SERPINC1: variants seen among roughly 807,000 people sequenced by gnomAD.
SERPINC1 encodes the protein serpin family C member 1.
In SERPINC1, 12 loss-of-function variants were observed where a neutral mutation model predicts 43.4. The observed-to-expected ratio is 0.28, with a 90% CI of 0.18 to 0.45. The LOEUF is 0.45. SERPINC1 is among the 20% of genes least tolerant of loss of function. The probability of loss-of-function intolerance (pLI) is 1.00; values close to 1 mark genes in which losing one functional copy is unlikely to be tolerated. For synonymous variants in SERPINC1, 210 were observed against 218.9 expected (o/e 0.96, Z 0.36); for missense variants, 423 against 578.8 (o/e 0.73, Z 2.76).
intron 5 of SERPINC1, among the ~76,000 whole-genome samples, chr1:173,908,830 T>C (rs1244954457): frequency 6.6e-6 from 1 of 152,068 alleles, no homozygotes; most frequent in Non-Finnish European, 1.5e-5. Flanking sequence ...AAAGTGCTGG[T>C]ATTACAGGCG....
intron 2 of SERPINC1, among the ~76,000 whole-genome samples, chr1:173,912,581 G>C (rs1657813613): frequency 6.6e-6 from 1 of 152,160 alleles, no homozygotes; most frequent in African/African-American, 2.4e-5. Flanking sequence ...GGGTGAGGCT[G>C]TTCCCCTCCT....
intron 1 of SERPINC1, among the ~76,000 whole-genome samples, chr1:173,915,421 A>G (rs1441628944): frequency 6.6e-6 from 1 of 152,162 alleles, no homozygotes; most frequent in Non-Finnish European, 1.5e-5. Flanking sequence ...CACGCCTGTA[A>G]TCCCAGCACT....
At chr1:173,905,076 C>T (rs1482187338) in intron 6 of SERPINC1, among the ~76,000 whole-genome samples, 1 of 152,166 alleles carries the variant, frequency 6.6e-6, no homozygotes, top group African/African-American at 2.4e-5. Context: ...AATAGTAACT[C>T]AGACCCCTCA....
intron 4 of SERPINC1, 86 bp from the exon 5 acceptor site, chr1:173,910,028 T>C: frequency 2.3e-6 from 3 of 1,315,058 alleles, no homozygotes; most frequent in Non-Finnish European, 3.3e-6. Context: ...TAGTGTTACA[T>C]TAATATATAA....
Position 173,909,577 on chromosome 1 carries a change from G to A in SERPINC1, c.1128C>T (p.Phe376=). The change falls in exon 5 of 7, where the codon TTC becomes TTT. Residue 376 remains phenylalanine (F), a synonymous_variant. Transcript: ENST00000367698. The part of the protein sequence containing the change: ...QLQDMGLVDL[F]SPEKSKLPGI... ...CTGGGAGTTTGGACTTTTCAGGGCT[G>A]AACAGATCGACAAGGCCCATGTCTT... 1 of 1,613,950 alleles carries A rather than the reference G, an allele frequency of 6.2e-7. No homozygotes were observed.
At chr1:173,908,796 A>G (rs1657640269) in intron 5 of SERPINC1, among the ~76,000 whole-genome samples, 1 of 151,978 alleles carries the variant, frequency 6.6e-6, no homozygotes, top group South Asian at 2.1e-4. Flanking sequence ...ATGGGCTTAG[A>G]CGATCCTCCC....
In SERPINC1 at chr1:173,909,642, A is replaced by C. The variant is rs1035744320; in HGVS notation, c.1063T>G (p.Phe355Val). The change falls in exon 5 of 7, where the codon TTC becomes GTC. Residue 355 changes from phenylalanine to valine, a missense_variant. Phe to Val is a conservative substitution (Grantham distance 50, BLOSUM62 -1). Coordinates refer to ENST00000367698, the MANE Select transcript of SERPINC1 (RefSeq NM_000488.4). ...EMMLVVHMPR[F>V]RIEDGFSLKE... ...AAACTGAAGCCGTCCTCAATGCGGA[A>C]GCGGGGCATGTGGACCACCAGCATC... 5.6e-6 allele frequency: 9 copies of C among 1,613,896 alleles called. No individual in the cohort carries two copies. The highest frequency in any genetic ancestry group is 6.8e-6 in the Non-Finnish European group (8 of 1,179,804).
chr1:173,912,943 T>C (rs1255053137), intron 2 of SERPINC1, among the ~76,000 whole-genome samples: 3 of 152,152 alleles, frequency 2.0e-5, no homozygotes, highest in Non-Finnish European at 2.9e-5. Context: ...TATACAAAAA[T>C]GACTGAAGGG....
At chr1:173,915,398 G>A (rs549746655) in intron 1 of SERPINC1, among the ~76,000 whole-genome samples, 8 of 152,272 alleles carry the variant, frequency 5.3e-5, no homozygotes, top group South Asian at 2.1e-4. Context: ...ATATCTGGCC[G>A]GGTGCGGTGG....
chr1:173,912,971 T>G (rs182562724), intron 2 of SERPINC1, among the ~76,000 whole-genome samples: 235 of 152,280 alleles, frequency 1.5e-3, no homozygotes, highest in African/African-American at 5.4e-3. Flanking sequence ...AAGGCAGTAT[T>G]ATGTGTCTTC....
At position 173,909,506 on chromosome 1, in the gene SERPINC1, A is replaced by G. The variant is rs750607605; in HGVS notation, c.1153+46T>C. On this transcript the variant is annotated intron_variant, in intron 5 of 6. Transcript: ENST00000367698. ...CTCCAACTCTTCCACTTTTGGTCAG[A>G]CTACCTTGCGGGTGGAGAAGGGAGG... 63 of 1,606,234 alleles carry G rather than the reference A, an allele frequency of 3.9e-5. 2 individuals carry two copies. The South Asian group carries it at 6.8e-4, about 17-fold the overall frequency.
intron 1 of SERPINC1, 52 bp from the exon 2 acceptor site, chr1:173,914,971 C>G: frequency 6.3e-7 from 1 of 1,588,940 alleles, no homozygotes; most frequent in Non-Finnish European, 8.5e-7. Context: ...CCTAGCCCCA[C>G]TGCCCACCAC....
chr1:173,904,047 C>T lies in SERPINC1; in HGVS notation c.1237G>A (p.Glu413Lys), dbSNP rs747288413. The T allele has an allele frequency of 6.2e-7, 1 of 1,614,206 alleles. No individual in the cohort carries two copies. The highest frequency in any genetic ancestry group is 8.5e-7 in the Non-Finnish European group (1 of 1,180,012). The change falls in exon 7 of 7, where the codon GAA becomes AAA. Residue 413 changes from glutamate (E) to lysine (K), a missense_variant. Coordinates refer to ENST00000367698, the MANE Select transcript of SERPINC1 (RefSeq NM_000488.4). ...ACAACAGCGGTACTTGCAGCTGCTT[C>T]ACTGCCTTCTTCATTTACCTGCAGG... ...AFLEVNEEGS[E>K]AAASTAVVIA...
chr1:173,910,627 G>C (rs1557902684), intron 4 of SERPINC1, 127 bp downstream of exon 4: 2 of 784,018 alleles, frequency 2.6e-6, no homozygotes, highest in Admixed American at 2.0e-5. Context: ...CTGCTGACCT[G>C]TACCTGTGTA....
chr1:173,904,790 C>G (rs866458518), intron 6 of SERPINC1, among the ~76,000 whole-genome samples: 1 of 152,118 alleles, frequency 6.6e-6, no homozygotes, highest in Non-Finnish European at 1.5e-5. Flanking sequence ...CTTCCTTACC[C>G]GCTATCTCCC....
chr1:173,914,499 A>G, intron 2 of SERPINC1, 54 bp downstream of exon 2: 1 of 1,609,344 alleles, frequency 6.2e-7, no homozygotes, highest in Non-Finnish European at 8.5e-7. Context: ...GGGCCTATGG[A>G]AGCCCCAAAG....
At chr1:173,914,477 A>G (rs2102789376) in intron 2 of SERPINC1, 76 bp downstream of exon 2, 8 of 1,563,700 alleles carry the variant, frequency 5.1e-6, no homozygotes, top group Non-Finnish European at 6.2e-6. Flanking sequence ...TGGTTGAGGA[A>G]TCATTGGACT....
At chr1:173,914,125 A>G (rs1657889105) in intron 2 of SERPINC1, among the ~76,000 whole-genome samples, 1 of 152,118 alleles carries the variant, frequency 6.6e-6, no homozygotes, top group South Asian at 2.1e-4. Flanking sequence ...GAGAGCCTAT[A>G]TGCCTGATGT....
Position 173,907,984 on chromosome 1 carries a change from AAATAATAATAATAATAAT to A in SERPINC1, c.1154-488_1154-471del, listed in dbSNP as rs57195053. The stretch of plus-strand genomic sequence containing the variant: ...CAACAAGAGCAAAACTGCATCTCAA[AAATAATAATAATAATAAT>A]AATAATAATAATAATAATAATAATA... On this transcript the variant is annotated intron_variant, in intron 5 of 6. Coordinates refer to ENST00000367698, the MANE Select transcript of SERPINC1 (RefSeq NM_000488.4). Among the ~76,000 whole-genome samples, 215 of 139,442 alleles carry A rather than the reference AAATAATAATAATAATAAT, an allele frequency of 1.5e-3. 1 individual carries two copies. The highest frequency in any genetic ancestry group is 5.4e-3 in the African/African-American group (205 of 37,876). 91.5% of individuals were successfully genotyped at this position (139,442 alleles called of 152,430 possible). A position where few individuals can be genotyped will look rare whatever the true frequency, so the allele number is the denominator to read the frequency against.
Sources: allele counts gnomAD v4.1 joint callset (sites outside exome capture counted in the v4.1 genomes callset), GRCh38; gene constraint gnomAD v4.1.1; transcripts MANE v1.5; gene names NCBI Gene and HGNC (gene_info 2026-07-23, HGNC 2026-07-21).